SPTB: variants seen among roughly 807,000 people sequenced by gnomAD.
The protein encoded by SPTB is spectrin beta chain, erythrocytic.
Under a neutral mutation model 256.2 loss-of-function variants are expected in SPTB, and 45 were observed. The observed-to-expected ratio is 0.18, with a 90% confidence interval of 0.14 to 0.23. SPTB has a LOEUF of 0.23. SPTB is among the 10% of genes least tolerant of loss of function. SPTB has a pLI of 1.00. For missense variants in SPTB, 2,715 were observed against 3,040.4 expected (o/e 0.89, Z 2.52); for synonymous variants, 1,231 against 1,243.1 (o/e 0.99, Z 0.21).
chr14:64,755,738 A>G (rs1207196952), intron 32 of SPTB: 1 of 152,082 alleles, frequency 6.6e-6, no homozygotes, highest in East Asian at 1.9e-4. Context: ...GGAAATATCT[A>G]TGCAGGAAGG....
intron 2 of SPTB, among the ~76,000 whole-genome samples, chr14:64,814,612 T>C (rs1439086684): frequency 6.6e-6 from 1 of 152,160 alleles, no homozygotes; most frequent in African/African-American, 2.4e-5. Context: ...GCCTCCTGGG[T>C]TCAAGCAAAT....
At chr14:64,782,698 T>G in intron 19 of SPTB, 145 bp from the exon 20 acceptor site, 1 of 1,258,580 alleles carries the variant, frequency 7.9e-7, no homozygotes, top group East Asian at 2.4e-5. Context: ...TCAACTGAAA[T>G]GAACTCTGAA....
In SPTB at chr14:64,801,232, G is replaced by C. The variant is rs914625422; in HGVS notation, c.763+53C>G. 6 of 1,477,838 alleles carry C rather than the reference G, an allele frequency of 4.1e-6. No homozygotes were observed. The African/African-American group carries it at 8.3e-5, about 20-fold the overall frequency. 91.5% of individuals were successfully genotyped at this position (1,477,838 alleles called of 1,614,324 possible). A position where few individuals can be genotyped will look rare whatever the true frequency, so the allele number is the denominator to read the frequency against. On this transcript the variant is annotated intron_variant, in intron 7 of 35. Transcript: ENST00000644917. ...GGCGGCTGAGCTCCTCTAGCACAGC[G>C]AGTGCATCCCCCACTGCTGCAGCAA...
chr14:64,802,390 A>C lies in SPTB; in HGVS notation c.475-73T>G. On this transcript the variant is annotated intron_variant, in intron 4 of 35. Coordinates refer to ENST00000644917, the MANE Select transcript of SPTB (RefSeq NM_001355436.2). The surrounding 1 kb of genome is among the most constrained non-coding windows in gnomAD (Gnocchi z 5.1). ...TCTGTGCTTTCCTGCCGTCCCTGGGAGGCTCCCTCCCTCATCCCCCCTTCA... is the reference window on the plus strand; with the variant it reads ...TCTGTGCTTTCCTGCCGTCCCTGGGCGGCTCCCTCCCTCATCCCCCCTTCA... The C allele has an allele frequency of 7.0e-7, 1 of 1,430,300 alleles. No homozygotes were observed. Among genetic ancestry groups the C allele is most frequent in the South Asian group, 1.2e-5 (1 of 84,220 alleles). 88.6% of individuals were successfully genotyped at this position (1,430,300 alleles called of 1,614,324 possible). A position where few individuals can be genotyped will look rare whatever the true frequency, so the allele number is the denominator to read the frequency against.
In SPTB at chr14:64,786,665, C is replaced by A. The variant is rs767287956; in HGVS notation, c.3300G>T (p.Leu1100=). The A allele has an allele frequency of 6.2e-7, 1 of 1,614,138 alleles. No homozygotes were observed. Among genetic ancestry groups the A allele is most frequent in the Non-Finnish European group, 8.5e-7 (1 of 1,179,974 alleles). The part of the protein sequence containing the change: ...PESLPEAEQL[L]QQHAGIKDEI... ...CATCCTTGATACCTGCATGCTGCTG[C>A]AGGAGCTGCTCAGCCTCTGGGAGGG... Residue 1100 remains leucine (L), a synonymous_variant, in exon 16 of 36, where the codon CTG becomes CTT. Coordinates refer to ENST00000644917, the MANE Select transcript of SPTB (RefSeq NM_001355436.2). This position sits in a 1 kb window ranked among gnomAD's most constrained non-coding sequence, Gnocchi z 5.6.
Position 64,799,943 on chromosome 14 carries a change from T to A in SPTB, c.877-9A>T, listed in dbSNP as rs779162467. 1.9e-5 allele frequency: 31 copies of A among 1,613,916 alleles called. No individual in the cohort carries two copies. The highest frequency in any genetic ancestry group is 2.6e-5 in the Non-Finnish European group (31 of 1,180,018). ...ATGGCATGGTCAATAACCTAAGGAA[T>A]CATCTTCTTACTTATTCTCATCAGA... On this transcript the variant is annotated splice_polypyrimidine_tract_variant and intron_variant, in intron 8 of 35. Transcript: ENST00000644917.
intron 10 of SPTB, 132 bp downstream of exon 10, chr14:64,797,597 A>G (rs1009635281): frequency 2.4e-6 from 2 of 844,464 alleles, no homozygotes; most frequent in Non-Finnish European, 4.1e-6. Flanking sequence ...AACTCCCCCA[A>G]ATAGTCAACA....
At chr14:64,878,451 A>G (rs914256677) in intron 1 of SPTB, among the ~76,000 whole-genome samples, 2 of 152,242 alleles carry the variant, frequency 1.3e-5, no homozygotes, top group African/African-American at 2.4e-5. Flanking sequence ...AGAGCAAAAG[A>G]ATAAAAGCTG....
At chr14:64,761,202 G>C (rs1241473088) in intron 32 of SPTB, among the ~76,000 whole-genome samples, 1 of 152,196 alleles carries the variant, frequency 6.6e-6, no homozygotes, top group Non-Finnish European at 1.5e-5. Flanking sequence ...CTCAGCTCTT[G>C]TCCTTTGGGT....
chr14:64,861,720 C>T (rs1357422008), intron 1 of SPTB, among the ~76,000 whole-genome samples: 2 of 152,232 alleles, frequency 1.3e-5, no homozygotes, highest in Non-Finnish European at 2.9e-5. Flanking sequence ...TCATTGTCTT[C>T]TGCTCCTCGC....
intron 15 of SPTB, among the ~76,000 whole-genome samples, chr14:64,789,468 A>G (rs890287808): frequency 6.6e-6 from 1 of 152,196 alleles, no homozygotes; most frequent in African/African-American, 2.4e-5. Flanking sequence ...CGCAAAGAAA[A>G]AATAAAAGAA....
intron 2 of SPTB, among the ~76,000 whole-genome samples, chr14:64,805,889 G>A (rs2082973538): frequency 2.0e-5 from 3 of 152,178 alleles, no homozygotes; most frequent in Non-Finnish European, 4.4e-5. Flanking sequence ...GAAGGTTTGG[G>A]CTGAGGGCTG....
rs147753775 is a variant in SPTB at position 64,795,999 on chromosome 14, T to C, written c.1342-360A>G. ...GGGCTGCTTCTCACTCGGAAACCCA[T>C]GCACCAGCAAACAGATGGTTTATTC... On this transcript the variant is annotated intron_variant, in intron 11 of 35. Coordinates refer to ENST00000644917, the MANE Select transcript of SPTB (RefSeq NM_001355436.2). This position sits in a 1 kb window ranked among gnomAD's most constrained non-coding sequence, Gnocchi z 6.5. Among the ~76,000 whole-genome samples, 289 of 152,286 alleles carry C rather than the reference T, an allele frequency of 1.9e-3. 2 individuals carry two copies. Among genetic ancestry groups the C allele is most frequent in the Non-Finnish European group, 3.2e-3 (215 of 68,014 alleles).
Position 64,787,018 on chromosome 14 carries a change from G to A in SPTB, c.2947C>T (p.Leu983=). The change falls in exon 16 of 36, where the codon CTG becomes TTG. Residue 983 remains leucine, a synonymous_variant. Coordinates refer to ENST00000644917, the MANE Select transcript of SPTB (RefSeq NM_001355436.2). Reference sequence around the variant, plus strand: ...ATGATACCTGCCAGGTCCCGCCCCAGGTCTTTTGTGGACTCCACTACCTTT... The same window carrying A: ...ATGATACCTGCCAGGTCCCGCCCCAAGTCTTTTGTGGACTCCACTACCTTT... ...KTKVVESTKD[L]GRDLAGIIAI... is the part of the protein sequence containing the mutation. 6.2e-7 allele frequency: 1 copy of A among 1,614,138 alleles called. No individual in the cohort carries two copies. Among genetic ancestry groups the A allele is most frequent in the South Asian group, 1.1e-5 (1 of 91,078 alleles).
chr14:64,790,653 T>C lies in SPTB; in HGVS notation c.2804+1066A>G, dbSNP rs2082653265. On this transcript the variant is annotated intron_variant, in intron 15 of 35. Coordinates refer to ENST00000644917, the MANE Select transcript of SPTB (RefSeq NM_001355436.2). The surrounding 1 kb of genome is among the most constrained non-coding windows in gnomAD (Gnocchi z 4.8). Reference sequence around the variant, plus strand: ...ACTGTGCCGATCCCTTTCTTTACAATGGAGTCTTCCCTAGGCCCACCTCCC... The same window carrying C: ...ACTGTGCCGATCCCTTTCTTTACAACGGAGTCTTCCCTAGGCCCACCTCCC... Among the ~76,000 whole-genome samples, 1 of 152,194 alleles carries C rather than the reference T, an allele frequency of 6.6e-6. No homozygotes were observed. Among genetic ancestry groups the C allele is most frequent in the South Asian group, 2.1e-4 (1 of 4,824 alleles).
rs2082294032 is a variant in SPTB at position 64,772,617 on chromosome 14, G to C, written c.5516C>G (p.Thr1839Arg). The C allele has an allele frequency of 6.2e-7, 1 of 1,612,180 alleles. No homozygotes were observed. Among genetic ancestry groups the C allele is most frequent in the South Asian group, 1.1e-5 (1 of 91,080 alleles). ...STAESFHRVHTAFERELHLLG... is the reference protein window; with the variant it reads ...STAESFHRVHRAFERELHLLG... The stretch of plus-strand genomic sequence containing the variant: ...CAGGTGGAGCTCCCGCTCGAAGGCT[G>C]TGTGCACCCGGTGGAAGGACTCGGC... The change falls in exon 26 of 36, where the codon ACA (threonine) becomes AGA (arginine). Residue 1839 changes from threonine (T) to arginine (R), a missense_variant. By Grantham distance (71) the Thr-to-Arg change is moderately conservative. Coordinates refer to ENST00000644917, the MANE Select transcript of SPTB (RefSeq NM_001355436.2). The surrounding 1 kb of genome is among the most constrained non-coding windows in gnomAD (Gnocchi z 5.4).
chr14:64,838,008 C>T (rs776653163), intron 1 of SPTB, among the ~76,000 whole-genome samples: 2 of 152,134 alleles, frequency 1.3e-5, no homozygotes, highest in Non-Finnish European at 2.9e-5. Flanking sequence ...CTTACATTAC[C>T]TGATTTCAAG....
At chr14:64,851,126 C>T (rs11623597) in intron 1 of SPTB, among the ~76,000 whole-genome samples, 15,121 of 152,206 alleles carry the variant, frequency 0.099, 928 homozygotes, top group Non-Finnish European at 0.14. Flanking sequence ...ACTACAGACC[C>T]AGTGAGCAAC....
chr14:64,791,827 G>A lies in SPTB; in HGVS notation c.2696C>T (p.Thr899Ile), dbSNP rs373593599. ...RFDILDQEMK[T>I]LMTQIDGVNL... ...CACACCATCAATCTGAGTCATCAAG[G>A]TCTTCATCTCCTGGTCCAGGATGTC... Residue 899 changes from threonine to isoleucine, a missense_variant, in exon 15 of 36, where the codon ACC becomes ATC. Physicochemically the swap from Thr to Ile is moderately conservative, Grantham distance 89. Transcript: ENST00000644917. The A allele has an allele frequency of 2.1e-4, 347 of 1,614,178 alleles. No homozygotes were observed. The highest frequency in any genetic ancestry group is 1.6e-4 in the Middle Eastern group (1 of 6,062).
Sources: allele counts gnomAD v4.1 joint callset (sites outside exome capture counted in the v4.1 genomes callset), GRCh38; gene constraint gnomAD v4.1.1; non-coding constraint Gnocchi (gnomAD v3.1); transcripts MANE v1.5; gene names NCBI Gene and HGNC (gene_info 2026-07-23, HGNC 2026-07-21).